TMEM132D: variants seen among roughly 807,000 people sequenced by gnomAD.
TMEM132D encodes mature OL transmembrane protein.
A neutral mutation model predicts 62.3 loss-of-function variants in TMEM132D; 21 were observed. The observed-to-expected ratio is 0.34, with a 90% confidence interval of 0.24 to 0.49. The LOEUF is 0.49. Ranked by LOEUF, TMEM132D falls within the 20% of genes least tolerant of loss-of-function variation. TMEM132D has a pLI of 0.99. For synonymous variants in TMEM132D, 621 were observed against 575.6 expected (o/e 1.08, Z -1.13); for missense variants, 1,346 against 1,402.8 (o/e 0.96, Z 0.65).
At chr12:129,465,475 G>C (rs1873855972) in intron 3 of TMEM132D, among the ~76,000 whole-genome samples, 1 of 152,052 alleles carries the variant, frequency 6.6e-6, no homozygotes, top group African/African-American at 2.4e-5. Flanking sequence ...GGAAATAAAG[G>C]GTATTCAATT....
In TMEM132D at chr12:129,099,528, C is replaced by T. The variant is rs1035648218; in HGVS notation, c.1444-14826G>A. 2.0e-5 allele frequency among the ~76,000 whole-genome samples: 3 copies of T among 152,330 alleles called. No homozygotes were observed. The South Asian group carries it at 6.2e-4, about 32-fold the overall frequency. On this transcript the variant is annotated intron_variant, in intron 5 of 8. Coordinates refer to ENST00000422113, the MANE Select transcript of TMEM132D (RefSeq NM_133448.3). The stretch of plus-strand genomic sequence containing the variant: ...CCCTCACAGAAGCCAGCCTCTGTGT[C>T]ATGGGAAGCCCAGGCCAGACTGAGG...
At chr12:129,732,849 G>T (rs1593139860) in intron 1 of TMEM132D, among the ~76,000 whole-genome samples, 1 of 152,206 alleles carries the variant, frequency 6.6e-6, no homozygotes, top group Admixed American at 6.5e-5. Context: ...TGGGGGCTGG[G>T]CTGGAGACTG....
At chr12:129,868,918 C>A (rs1011875646) in intron 1 of TMEM132D, among the ~76,000 whole-genome samples, 1 of 152,176 alleles carries the variant, frequency 6.6e-6, no homozygotes, top group African/African-American at 2.4e-5. Context: ...AGAAAACCAG[C>A]TTCGCATAAC....
At chr12:129,551,158 G>A (rs367545239) in intron 2 of TMEM132D, among the ~76,000 whole-genome samples, 28 of 152,344 alleles carry the variant, frequency 1.8e-4, no homozygotes, top group East Asian at 9.7e-4. Flanking sequence ...GCTCCTCCAA[G>A]ACTTCCTGGC....
rs142537633 is a variant in TMEM132D at position 129,310,293 on chromosome 12, AG to A, written c.1299+27340del. On this transcript the variant is annotated intron_variant, in intron 4 of 8. Coordinates refer to ENST00000422113, the MANE Select transcript of TMEM132D (RefSeq NM_133448.3). The stretch of plus-strand genomic sequence containing the variant: ...GGTCAGGGCCTCCCCAGAAAACAGA[AG>A]GGCATTGTGAGGAGGATTTATTCAG... Among the ~76,000 whole-genome samples the A allele has an allele frequency of 6.0e-3, 921 of 152,300 alleles. 5 individuals are homozygous for A. The highest frequency in any genetic ancestry group is 0.021 in the African/African-American group (853 of 41,566).
At chr12:129,252,337 G>A (rs1861537362) in intron 4 of TMEM132D, among the ~76,000 whole-genome samples, 1 of 152,080 alleles carries the variant, frequency 6.6e-6, no homozygotes, top group East Asian at 1.9e-4. Context: ...TCCCACCTGA[G>A]GTGGAGGAGC....
intron 1 of TMEM132D, among the ~76,000 whole-genome samples, chr12:129,745,418 A>T (rs1370204186): frequency 2.0e-5 from 3 of 152,166 alleles, no homozygotes; most frequent in Non-Finnish European, 4.4e-5. Context: ...TGGGGGGTTG[A>T]TGCCTACCAG....
At chr12:129,365,034 A>C (rs1480181566) in intron 3 of TMEM132D, among the ~76,000 whole-genome samples, 1 of 152,236 alleles carries the variant, frequency 6.6e-6, no homozygotes, top group South Asian at 2.1e-4. Flanking sequence ...AGGCAATTCA[A>C]CTGCGTGCTT....
chr12:129,498,588 C>T (rs939356719), intron 3 of TMEM132D, among the ~76,000 whole-genome samples: 1 of 152,184 alleles, frequency 6.6e-6, no homozygotes, highest in Non-Finnish European at 1.5e-5. Flanking sequence ...TAATTTCCAA[C>T]ATCTTTTTCC....
intron 4 of TMEM132D, among the ~76,000 whole-genome samples, chr12:129,305,246 G>A (rs1881820501): frequency 6.6e-6 from 1 of 151,980 alleles, no homozygotes; most frequent in Non-Finnish European, 1.5e-5. Flanking sequence ...AACTTCAAAT[G>A]CACTCCAGAA....
intron 1 of TMEM132D, among the ~76,000 whole-genome samples, chr12:129,890,149 C>T (rs1874874918): frequency 6.6e-6 from 1 of 152,100 alleles, no homozygotes; most frequent in Non-Finnish European, 1.5e-5. Context: ...ATCAAAGAAG[C>T]CCCAGTCCTA....
At chr12:129,083,651 C>A (rs143211191) in intron 6 of TMEM132D, among the ~76,000 whole-genome samples, 1 of 152,198 alleles carries the variant, frequency 6.6e-6, no homozygotes, top group Non-Finnish European at 1.5e-5. Flanking sequence ...AATATAAGTT[C>A]TCCCTCAGAT....
At chr12:129,193,792 GT>G (rs1001487000) in intron 5 of TMEM132D, among the ~76,000 whole-genome samples, 166 of 152,316 alleles carry the variant, frequency 1.1e-3, no homozygotes, top group African/African-American at 3.7e-3. Flanking sequence ...AGTAAGACAT[GT>G]TCCCCAGTCT....
At chr12:129,310,130 A>G (rs1177019280) in intron 4 of TMEM132D, among the ~76,000 whole-genome samples, 1 of 152,088 alleles carries the variant, frequency 6.6e-6, no homozygotes, top group Non-Finnish European at 1.5e-5. Context: ...GTAAGACTCA[A>G]GTTCTGATTC....
At chr12:129,488,043 A>G (rs190169873) in intron 3 of TMEM132D, among the ~76,000 whole-genome samples, 1 of 150,944 alleles carries the variant, frequency 6.6e-6, no homozygotes, top group African/African-American at 2.4e-5. Flanking sequence ...TCCATCCCGT[A>G]TGCCTTGTGA....
chr12:129,359,463 G>A (rs943877017), intron 3 of TMEM132D, among the ~76,000 whole-genome samples: 1 of 152,120 alleles, frequency 6.6e-6, no homozygotes, highest in African/African-American at 2.4e-5. Context: ...TTCACAGTCA[G>A]CAAACTCTGG....
At chr12:129,582,814 AG>A (rs1212785235) in intron 2 of TMEM132D, among the ~76,000 whole-genome samples, 1 of 152,076 alleles carries the variant, frequency 6.6e-6, no homozygotes, top group Non-Finnish European at 1.5e-5. Context: ...CAGTAGAAAC[AG>A]GGTTTCACCA....
intron 5 of TMEM132D, among the ~76,000 whole-genome samples, chr12:129,109,177 G>A (rs1207881710): frequency 6.6e-6 from 1 of 152,192 alleles, no homozygotes; most frequent in African/African-American, 2.4e-5. Context: ...TTCTGCGGGA[G>A]GAAGAGACCC....
At chr12:129,866,498 C>T (rs146716050) in intron 1 of TMEM132D, among the ~76,000 whole-genome samples, 2,489 of 150,908 alleles carry the variant, frequency 0.016, 51 homozygotes, top group African/African-American at 0.048. Context: ...ATGTAAATGA[C>T]GAGTTAATGA....
Sources: allele counts gnomAD v4.1 joint callset (sites outside exome capture counted in the v4.1 genomes callset), GRCh38; gene constraint gnomAD v4.1.1; transcripts MANE v1.5; gene names NCBI Gene and HGNC (gene_info 2026-07-23, HGNC 2026-07-21).